The following BLACAT1 variants were observed in gnomAD, a reference collection of about 807,000 sequenced individuals.
BLACAT1 encodes bladder cancer associated transcript 1.
intron 1 of BLACAT1, among the ~76,000 whole-genome samples, chr1:205,453,037 G>C (rs1048435431): frequency 6.6e-6 from 1 of 152,114 alleles, no homozygotes; most frequent in Admixed American, 6.6e-5. Context: ...CAGGTTATGG[G>C]GTGTGAGTGG....
downstream of BLACAT1, chr1:205,435,287 G>A (rs1405373416): frequency 2.0e-5 from 3 of 152,246 alleles, no homozygotes; most frequent in Admixed American, 6.5e-5. Context: ...ACTCTCAGGG[G>A]TCTCTTGCCA....
chr1:205,453,155 C>T (rs1666518346), intron 1 of BLACAT1, among the ~76,000 whole-genome samples: 1 of 152,160 alleles, frequency 6.6e-6, no homozygotes, highest in Non-Finnish European at 1.5e-5. Context: ...CCAAACAAGC[C>T]TGCAGATTCG....
intron 1 of BLACAT1, among the ~76,000 whole-genome samples, chr1:205,445,965 C>A (rs1324875307): frequency 6.6e-6 from 1 of 152,148 alleles, no homozygotes; most frequent in East Asian, 1.9e-4. Context: ...AGAGAGTCAT[C>A]TGAATTCAGT....
downstream of BLACAT1, chr1:205,437,899 A>G (rs968006703): frequency 6.6e-5 from 10 of 152,196 alleles, no homozygotes; most frequent in African/African-American, 2.2e-4. Flanking sequence ...CTTCATGTGT[A>G]TTTCAGTTAG....
intron 1 of BLACAT1, among the ~76,000 whole-genome samples, chr1:205,442,153 A>T (rs1214567788): frequency 1.3e-5 from 2 of 152,158 alleles, no homozygotes; most frequent in Non-Finnish European, 2.9e-5. Flanking sequence ...CCCTGCGTGG[A>T]GGTCAGGCCG....
rs1575012361 is a variant in BLACAT1, at chr1:205,448,176, G to A, written c.-36-7114C>T. 7 of 402,996 alleles carry A rather than the reference G, an allele frequency of 1.7e-5. No homozygotes were observed. The East Asian group carries it at 2.4e-4, about 14-fold the overall frequency. 25.0% of individuals were successfully genotyped at this position (402,996 alleles called of 1,614,324 possible). A position where few individuals can be genotyped will look rare whatever the true frequency, so the allele number is the denominator to read the frequency against. On this transcript the variant is annotated intron_variant, in intron 1 of 1. Transcript: ENST00000629624. The surrounding 1 kb of genome is among the most constrained non-coding windows in gnomAD (Gnocchi z 4.7). ...GGAAGTGACTGGGCCAAGGTCACAC[G>A]GCTTAGCCCCGATCCCAGGTTACCA... is the stretch of plus-strand genomic sequence containing the variant.
intron 1 of BLACAT1, among the ~76,000 whole-genome samples, chr1:205,444,812 C>T (rs1666355730): frequency 6.6e-6 from 1 of 151,924 alleles, no homozygotes; most frequent in South Asian, 2.1e-4. Context: ...ATATTGCGCC[C>T]CCCACGACCC....
rs898176541 is a variant in BLACAT1, at chr1:205,450,112, G to A, written c.-37+5805C>T. On this transcript the variant is annotated intron_variant, in intron 1 of 1. Coordinates refer to ENST00000629624, the Ensembl canonical transcript of BLACAT1. This position sits in a 1 kb window ranked among gnomAD's most constrained non-coding sequence, Gnocchi z 4.4. ...CCAGCCCTGAGGACGGTGGGGGTGG[G>A]GGTGGGGGCGGGCTGGGCAGGCGGG... is the stretch of plus-strand genomic sequence containing the variant. 7.2e-5 allele frequency among the ~76,000 whole-genome samples: 11 copies of A among 152,074 alleles called. No homozygotes were observed. Among genetic ancestry groups the A allele is most frequent in the Non-Finnish European group, 1.5e-4 (10 of 67,996 alleles).
intron 1 of BLACAT1, among the ~76,000 whole-genome samples, chr1:205,453,271 T>C (rs1666519805): frequency 6.6e-6 from 1 of 152,124 alleles, no homozygotes; most frequent in Non-Finnish European, 1.5e-5. Flanking sequence ...ACATACATTG[T>C]CCTCCAGACC....
chr1:205,450,559 C>T lies in BLACAT1; in HGVS notation c.-37+5358G>A, dbSNP rs1666482703. 6.6e-6 allele frequency among the ~76,000 whole-genome samples: 1 copy of T among 151,844 alleles called. No homozygotes were observed. Among genetic ancestry groups the T allele is most frequent in the Admixed American group, 6.6e-5 (1 of 15,244 alleles). ...CAAGGTCAGCACTTATCTGTCCTTC[C>T]ATTTCCTTTCTCAGACCTGCTCGAG... On this transcript the variant is annotated intron_variant, in intron 1 of 1. Transcript: ENST00000629624. This position sits in a 1 kb window ranked among gnomAD's most constrained non-coding sequence, Gnocchi z 4.4.
intron 1 of BLACAT1, among the ~76,000 whole-genome samples, chr1:205,455,236 G>A (rs1246881503): frequency 1.3e-5 from 2 of 152,160 alleles, no homozygotes; most frequent in South Asian, 2.1e-4. Flanking sequence ...TGGGAGGCAG[G>A]CTTATGGCCA....
intron 1 of BLACAT1, among the ~76,000 whole-genome samples, chr1:205,444,928 A>C (rs1666357607): frequency 6.8e-6 from 1 of 147,276 alleles, no homozygotes; most frequent in Non-Finnish European, 1.5e-5. Flanking sequence ...AAGAGAAGTG[A>C]CCCAGTAAGG....
Position 205,448,027 on chromosome 1 carries a change from G to T in BLACAT1, c.-36-6965C>A, listed in dbSNP as rs908947735. ...GCCAGGCCTCAGTAATTTGGCAAGGGGGAAGGAACCGACTCAGAAAGCTCA... is the reference window on the plus strand; with the variant it reads ...GCCAGGCCTCAGTAATTTGGCAAGGTGGAAGGAACCGACTCAGAAAGCTCA... On this transcript the variant is annotated intron_variant, in intron 1 of 1. Transcript: ENST00000629624. This position sits in a 1 kb window ranked among gnomAD's most constrained non-coding sequence, Gnocchi z 4.7. Among the ~76,000 whole-genome samples the T allele has an allele frequency of 6.6e-6, 1 of 152,146 alleles. No individual in the cohort carries two copies. The highest frequency in any genetic ancestry group is 2.4e-5 in the African/African-American group (1 of 41,428).
At position 205,450,549 on chromosome 1, in the gene BLACAT1, T is replaced by C. The variant is rs995086697; in HGVS notation, c.-37+5368A>G. On this transcript the variant is annotated intron_variant, in intron 1 of 1. Transcript: ENST00000629624. The surrounding 1 kb of genome is among the most constrained non-coding windows in gnomAD (Gnocchi z 4.4). ...CCTGGGAGGACAAGGTCAGCACTTA[T>C]CTGTCCTTCCATTTCCTTTCTCAGA... 1.3e-5 allele frequency among the ~76,000 whole-genome samples: 2 copies of C among 151,480 alleles called. No homozygotes were observed. Among genetic ancestry groups the C allele is most frequent in the Non-Finnish European group, 2.9e-5 (2 of 67,904 alleles).
chr1:205,454,527 A>AGT (rs746207549), intron 1 of BLACAT1, among the ~76,000 whole-genome samples: 5,307 of 149,124 alleles, frequency 0.036, 182 homozygotes, highest in African/African-American at 0.093. Context: ...ATCTGGTGTG[A>AGT]GTGTGTGTGT....
chr1:205,449,504 G>A (rs988398858), intron 1 of BLACAT1, among the ~76,000 whole-genome samples: 1 of 152,086 alleles, frequency 6.6e-6, no homozygotes, highest in African/African-American at 2.4e-5. Flanking sequence ...AACACTTGCT[G>A]GCTCCCTGCA....
At chr1:205,435,048 C>T (rs559828165), downstream of BLACAT1, 1 of 152,290 alleles carries the variant, frequency 6.6e-6, no homozygotes, top group East Asian at 1.9e-4. Flanking sequence ...GGGTTCCAGC[C>T]ACCCCAGGAA....
At chr1:205,444,422 T>C (rs891604577) in intron 1 of BLACAT1, among the ~76,000 whole-genome samples, 15 of 152,076 alleles carry the variant, frequency 9.9e-5, no homozygotes, top group African/African-American at 2.7e-4. Flanking sequence ...TGCCAATCCA[T>C]AGAGCATCCG....
intron 1 of BLACAT1, among the ~76,000 whole-genome samples, chr1:205,454,508 G>A (rs960682423): frequency 5.3e-5 from 8 of 151,888 alleles, no homozygotes; most frequent in Middle Eastern, 6.8e-3. Context: ...ACTACTTGGA[G>A]GAAGTGTTAT....
Sources: gnomAD v4.1 joint callset for allele counts (sites outside exome capture counted in the v4.1 genomes callset) on GRCh38, gnomAD v4.1.1 for gene constraint, Gnocchi (gnomAD v3.1) non-coding constraint, MANE v1.5 for transcripts, NCBI Gene and HGNC (gene_info 2026-07-23, HGNC 2026-07-21) for gene names.